Variants in SPIDR observed in about 807,000 individuals in gnomAD.
SPIDR encodes the protein DNA repair-scaffolding protein.
SPIDR carries 93 observed loss-of-function variants against 104.6 expected under a neutral mutation model. The ratio of observed to expected loss-of-function variants is 0.89; its 90% CI spans 0.75 to 1.06. The LOEUF is 1.06. Ranked by LOEUF, SPIDR falls within the 50% of genes least tolerant of loss-of-function variation. The pLI, the probability that SPIDR is intolerant of heterozygous loss-of-function variation, is 0.00. For missense variants in SPIDR, 1,154 were observed against 1,111.2 expected, an observed-to-expected ratio of 1.04 and a Z score of -0.55; for synonymous variants, 431 against 416.9, an observed-to-expected ratio of 1.03 and a Z score of -0.41.
At chr8:47,583,027 T>G (rs906536255) in intron 8 of SPIDR, among the ~76,000 whole-genome samples, 3 of 152,038 alleles carry the variant, frequency 2.0e-5, no homozygotes, top group African/African-American at 4.8e-5. Flanking sequence ...CATTTTAGCC[T>G]GTCCTACCAC....
chr8:47,505,370 C>A (rs940807910), intron 8 of SPIDR, among the ~76,000 whole-genome samples: 1 of 152,204 alleles, frequency 6.6e-6, no homozygotes, highest in Admixed American at 6.5e-5. Flanking sequence ...TGCCGCCTTG[C>A]AGCTTGATCT....
chr8:47,478,042 G>C (rs782181923), intron 8 of SPIDR, among the ~76,000 whole-genome samples: 2 of 152,208 alleles, frequency 1.3e-5, no homozygotes, highest in African/African-American at 4.8e-5. Flanking sequence ...AGAGTTGAAG[G>C]TTGAAGCTAG....
At position 47,690,271 on chromosome 8, in the gene SPIDR, G is replaced by GT. The variant is rs565575690; in HGVS notation, c.1686-10131dup. ...ATTTCCTGTGAAGTTGAGAGAGTGT[G>GT]TGGGGGGGGTGAGGGGTGCGCGTGC... On this transcript the variant is annotated intron_variant, in intron 11 of 19. Transcript: ENST00000297423. Among the ~76,000 whole-genome samples the GT allele has an allele frequency of 3.6e-3, 546 of 151,798 alleles. 2 individuals carry two copies. Among genetic ancestry groups the GT allele is most frequent in the African/African-American group, 0.012 (513 of 41,376 alleles).
At chr8:47,317,762 A>G (rs1470190955) in intron 5 of SPIDR, among the ~76,000 whole-genome samples, 1 of 152,076 alleles carries the variant, frequency 6.6e-6, no homozygotes, top group Non-Finnish European at 1.5e-5. Context: ...CCAGAGGAAC[A>G]ATCAGGCAGC....
chr8:47,722,130 T>A (rs529524486), intron 16 of SPIDR, among the ~76,000 whole-genome samples: 2 of 152,358 alleles, frequency 1.3e-5, no homozygotes, highest in Non-Finnish European at 2.9e-5. Context: ...GTATTTCATT[T>A]ATTTTGTTGC....
chr8:47,314,050 A>G (rs2044768509), intron 5 of SPIDR, among the ~76,000 whole-genome samples: 1 of 152,234 alleles, frequency 6.6e-6, no homozygotes, highest in Non-Finnish European at 1.5e-5. Flanking sequence ...TAAGAAATAT[A>G]CAGTTGTGAC....
Position 47,729,443 on chromosome 8 carries a change from G to C in SPIDR, c.2582G>C (p.Arg861Thr). The part of the protein sequence containing the change: ...LLQRSISSLL[R>T]FAAGEDGSYE... Reference sequence around the variant, plus strand: ...CAGCGCAGCATTTCCTCCCTGCTGAGGTTTGCCGCCGGTGAAGATGGGGTA... The same window carrying C: ...CAGCGCAGCATTTCCTCCCTGCTGACGTTTGCCGCCGGTGAAGATGGGGTA... Residue 861 changes from arginine (R) to threonine (T), a missense_variant, in exon 19 of 20, where the codon AGG becomes ACG. Transcript: ENST00000297423. 1 of 1,598,482 alleles carries C rather than the reference G, an allele frequency of 6.3e-7. No homozygotes were observed. The highest frequency in any genetic ancestry group is 8.5e-7 in the Non-Finnish European group (1 of 1,173,384).
At chr8:47,357,199 A>G (rs541668867) in intron 5 of SPIDR, among the ~76,000 whole-genome samples, 1 of 152,328 alleles carries the variant, frequency 6.6e-6, no homozygotes, top group African/African-American at 2.4e-5. Flanking sequence ...AGAACAGATA[A>G]GATTTCTATG....
chr8:47,725,169 C>T (rs1205430942), intron 16 of SPIDR, among the ~76,000 whole-genome samples: 1 of 152,180 alleles, frequency 6.6e-6, no homozygotes, highest in Non-Finnish European at 1.5e-5. Context: ...GAGCGCCAGA[C>T]CCACCCATCC....
chr8:47,370,572 G>A (rs1299354929), intron 5 of SPIDR, among the ~76,000 whole-genome samples: 1 of 147,420 alleles, frequency 6.8e-6, no homozygotes. Context: ...TCAGCCTCCC[G>A]AGCATCAGGG....
At chr8:47,440,672 C>T (rs1302370172) in intron 8 of SPIDR, 130 bp downstream of exon 8, 7 of 887,092 alleles carry the variant, frequency 7.9e-6, no homozygotes, top group Middle Eastern at 3.5e-4. Context: ...CAGGATTGGA[C>T]GTGGGTTTTC....
intron 5 of SPIDR, chr8:47,357,909 C>G: frequency 3.1e-6 from 3 of 975,684 alleles, no homozygotes; most frequent in Non-Finnish European, 3.7e-6. Context: ...ATAAGAAGTA[C>G]TCACCTGTGA....
chr8:47,442,393 A>G (rs1388213730), intron 8 of SPIDR, among the ~76,000 whole-genome samples: 3 of 152,170 alleles, frequency 2.0e-5, no homozygotes, highest in Non-Finnish European at 4.4e-5. Context: ...CTATTTTTCT[A>G]TAATAAGTTT....
intron 14 of SPIDR, among the ~76,000 whole-genome samples, chr8:47,708,571 G>T (rs1323252271): frequency 6.6e-6 from 1 of 152,088 alleles, no homozygotes; most frequent in Non-Finnish European, 1.5e-5. Flanking sequence ...CACTCTTGGT[G>T]GTGTAATTTT....
intron 8 of SPIDR, among the ~76,000 whole-genome samples, chr8:47,494,814 A>T (rs996784924): frequency 6.6e-6 from 1 of 152,226 alleles, no homozygotes. Flanking sequence ...ACTCTCACTC[A>T]GCTTGCCCTG....
intron 5 of SPIDR, among the ~76,000 whole-genome samples, chr8:47,313,392 A>G (rs1327229378): frequency 2.0e-5 from 3 of 152,174 alleles, no homozygotes; most frequent in Non-Finnish European, 4.4e-5. Flanking sequence ...ACTACAAACC[A>G]CTGCTCAATG....
intron 16 of SPIDR, among the ~76,000 whole-genome samples, chr8:47,726,048 C>G (rs1361572046): frequency 6.6e-6 from 1 of 152,234 alleles, no homozygotes; most frequent in Non-Finnish European, 1.5e-5. Flanking sequence ...GATGCCCCGG[C>G]TCCTTTCTCC....
chr8:47,375,098 A>G (rs1042089610), intron 5 of SPIDR, among the ~76,000 whole-genome samples: 34 of 152,058 alleles, frequency 2.2e-4, no homozygotes, highest in African/African-American at 8.2e-4. Flanking sequence ...ATAACAGACA[A>G]GGCCAGAGAG....
At chr8:47,604,760 GA>G (rs1223114326) in intron 10 of SPIDR, among the ~76,000 whole-genome samples, 1 of 152,216 alleles carries the variant, frequency 6.6e-6, no homozygotes, top group Non-Finnish European at 1.5e-5. Context: ...AGGTCTGGAA[GA>G]AAGCTTGAGA....
Sources: gnomAD v4.1 joint callset for allele counts (sites outside exome capture counted in the v4.1 genomes callset) on GRCh38, gnomAD v4.1.1 for gene constraint, MANE v1.5 for transcripts, NCBI Gene and HGNC (gene_info 2026-07-23, HGNC 2026-07-21) for gene names.